NSMAF: variants seen among roughly 807,000 people sequenced by gnomAD.
The protein encoded by NSMAF is protein FAN.
NSMAF carries 90 observed loss-of-function variants against 134.9 expected under a neutral mutation model. The ratio of observed to expected loss-of-function variants is 0.67; its 90% CI spans 0.56 to 0.79. The LOEUF (loss-of-function observed/expected upper bound fraction) is 0.79, where lower values mean the gene tolerates loss of function less well. Among genes scored for constraint, NSMAF ranks in the 30% least tolerant of loss-of-function variants. The pLI is 0.00. For missense variants in NSMAF, 1,010 were observed against 1,119.0 expected, an observed-to-expected ratio of 0.90 and a Z score of 1.39; for synonymous variants, 358 against 389.6, an observed-to-expected ratio of 0.92 and a Z score of 0.96.
intron 9 of NSMAF, among the ~76,000 whole-genome samples, chr8:58,612,203 T>C (rs1806544049): frequency 6.6e-6 from 1 of 152,176 alleles, no homozygotes. Flanking sequence ...ATGAGAGGCT[T>C]AGAGCTTTTG....
intron 1 of NSMAF, among the ~76,000 whole-genome samples, chr8:58,646,847 A>G (rs1038628716): frequency 5.3e-5 from 8 of 152,140 alleles, no homozygotes; most frequent in African/African-American, 1.7e-4. Flanking sequence ...CTGCCCCTAC[A>G]TATTCCTAGT....
intron 10 of NSMAF, 64 bp from the exon 11 acceptor site, chr8:58,607,904 G>A: frequency 7.6e-7 from 1 of 1,315,106 alleles, no homozygotes; most frequent in Non-Finnish European, 1.1e-6. Flanking sequence ...TTGTTCTATA[G>A]TATCAGAAAG....
chr8:58,588,206 G>A (rs1805934862), intron 26 of NSMAF, among the ~76,000 whole-genome samples: 1 of 152,154 alleles, frequency 6.6e-6, no homozygotes. Context: ...CGTGGTTTGT[G>A]TAAGATTTCA....
Position 58,647,520 on chromosome 8 carries a change from G to A in NSMAF, c.60-4447C>T, listed in dbSNP as rs553757846. Among the ~76,000 whole-genome samples, 10 of 152,234 alleles carry A rather than the reference G, an allele frequency of 6.6e-5. No individual in the cohort carries two copies. In the South Asian group the frequency reaches 2.1e-3, roughly 32 times the overall value. ...TTCCCAACGTTGAAGGTGGAGGCCC[G>A]GTAGGAGGTGATTGGATCATGGGGG... On this transcript the variant is annotated intron_variant, in intron 1 of 30. Transcript: ENST00000038176.
At chr8:58,630,864 G>A (rs1265424608) in intron 6 of NSMAF, among the ~76,000 whole-genome samples, 1 of 152,142 alleles carries the variant, frequency 6.6e-6, no homozygotes, top group Non-Finnish European at 1.5e-5. Context: ...CACAAATGGT[G>A]GCTTTTCCTA....
chr8:58,617,756 T>C (rs1453485681), intron 9 of NSMAF, among the ~76,000 whole-genome samples: 1 of 152,214 alleles, frequency 6.6e-6, no homozygotes, highest in African/African-American at 2.4e-5. Flanking sequence ...AGTGTGGCGA[T>C]TCCTCAAGGA....
At chr8:58,597,721 C>A in intron 20 of NSMAF, 139 bp downstream of exon 20, 1 of 884,956 alleles carries the variant, frequency 1.1e-6, no homozygotes, top group Non-Finnish European at 1.8e-6. Flanking sequence ...TTTTCTGATG[C>A]TCAGTAACAC....
intron 9 of NSMAF, among the ~76,000 whole-genome samples, chr8:58,618,729 G>A (rs1037326058): frequency 6.6e-5 from 10 of 152,088 alleles, no homozygotes; most frequent in East Asian, 5.8e-4. Context: ...TTGTATTAGC[G>A]TTTCAACTTG....
Position 58,599,221 on chromosome 8 carries a change from A to G in NSMAF, c.1585+11T>C, listed in dbSNP as rs1301415456. On this transcript the variant is annotated intron_variant, in intron 19 of 30. Transcript: ENST00000038176. ...CCAATGCTAAATAAAATTTCAATGA[A>G]TATTACATACCATTATGGGCCCCAA... 4 of 1,607,194 alleles carry G rather than the reference A, an allele frequency of 2.5e-6. No homozygotes were observed. Among genetic ancestry groups the G allele is most frequent in the Non-Finnish European group, 3.4e-6 (4 of 1,176,888 alleles).
chr8:58,598,684 G>A (rs2129140654), intron 19 of NSMAF, among the ~76,000 whole-genome samples: 1 of 152,116 alleles, frequency 6.6e-6, no homozygotes, highest in Non-Finnish European at 1.5e-5. Flanking sequence ...GGATGAATTT[G>A]GTATTATTTG....
chr8:58,619,953 A>G (rs564920000), intron 9 of NSMAF, among the ~76,000 whole-genome samples: 42 of 152,310 alleles, frequency 2.8e-4, no homozygotes, highest in Middle Eastern at 6.8e-3. Flanking sequence ...GCACTACCAG[A>G]TATCAATAGT....
chr8:58,653,804 T>C (rs1035418127), intron 1 of NSMAF, among the ~76,000 whole-genome samples: 8 of 152,332 alleles, frequency 5.3e-5, no homozygotes, highest in African/African-American at 1.9e-4. Context: ...TCCTATTTTA[T>C]ATCACACTAA....
intron 26 of NSMAF, chr8:58,588,526 T>C: frequency 8.1e-7 from 1 of 1,233,500 alleles, no homozygotes. Flanking sequence ...TACTTTGCTG[T>C]GAATTGCACA....
intron 1 of NSMAF, among the ~76,000 whole-genome samples, chr8:58,655,482 C>T (rs1157568098): frequency 6.6e-6 from 1 of 151,592 alleles, no homozygotes; most frequent in African/African-American, 2.4e-5. Flanking sequence ...TCACTGTAAC[C>T]TTGGACTCCT....
intron 9 of NSMAF, among the ~76,000 whole-genome samples, chr8:58,618,507 T>A (rs536887022): frequency 2.0e-5 from 3 of 152,088 alleles, no homozygotes; most frequent in Non-Finnish European, 4.4e-5. Context: ...GAAGTACTTA[T>A]GGGAGAAGTG....
In NSMAF at chr8:58,595,631, T is replaced by G. The variant is rs1276046847; in HGVS notation, c.1821A>C (p.Glu607Asp). 6.2e-7 allele frequency: 1 copy of G among 1,613,968 alleles called. No individual in the cohort carries two copies. Among genetic ancestry groups the G allele is most frequent in the Non-Finnish European group, 8.5e-7 (1 of 1,179,946 alleles). Residue 607 changes from glutamate (E) to aspartate (D), a missense_variant, in exon 22 of 31, where the codon GAA becomes GAC. Glu to Asp is a conservative substitution (Grantham distance 45). Coordinates refer to ENST00000038176, the MANE Select transcript of NSMAF (RefSeq NM_003580.4). The stretch of plus-strand genomic sequence containing the variant: ...TATTCCAGGCCAGTGTTTTGCTTTC[T>G]TCGGTCAGGTCTTCAAAAGACTCTT... ...PGEESFEDLTEESKTLAWNNI... is the reference protein window; with the variant it reads ...PGEESFEDLTDESKTLAWNNI...
chr8:58,584,139 G>C lies in NSMAF; in HGVS notation c.2721C>G (p.Asp907Glu). ...QCSSIITGGE[D>E]RQIIFWKLQY ...GCAATTTCCAGAATATAATTTGTCT[G>C]TCTTCCCCTCCTGTGATGATACTGC... is the stretch of plus-strand genomic sequence containing the variant. Residue 907 changes from aspartate (D) to glutamate (E), a missense_variant, in exon 31 of 31, where the codon GAC becomes GAG. By Grantham distance (45) the Asp-to-Glu change is conservative. Transcript: ENST00000038176. 3 of 1,613,488 alleles carry C rather than the reference G, an allele frequency of 1.9e-6. No individual in the cohort carries two copies. In the South Asian group the frequency reaches 3.3e-5, roughly 18 times the overall value.
chr8:58,611,002 G>A (rs1309452008), intron 9 of NSMAF, among the ~76,000 whole-genome samples: 4 of 152,300 alleles, frequency 2.6e-5, no homozygotes, highest in African/African-American at 7.2e-5. Context: ...CCCTGTACAA[G>A]TAGCCTGACA....
At chr8:58,611,785 A>G (rs1433802295) in intron 9 of NSMAF, among the ~76,000 whole-genome samples, 1 of 152,180 alleles carries the variant, frequency 6.6e-6, no homozygotes, top group African/African-American at 2.4e-5. Context: ...TGTATCTGAG[A>G]TCTGAAGGAA....
Sources: gnomAD v4.1 joint callset for allele counts (sites outside exome capture counted in the v4.1 genomes callset) on GRCh38, gnomAD v4.1.1 for gene constraint, MANE v1.5 for transcripts, NCBI Gene and HGNC (gene_info 2026-07-23, HGNC 2026-07-21) for gene names.